KCNIP4: variants seen among roughly 807,000 people sequenced by gnomAD.
The protein encoded by KCNIP4 is potassium voltage-gated channel interacting protein 4.
A neutral mutation model predicts 34.0 loss-of-function variants in KCNIP4; 12 were observed. The observed-to-expected ratio is 0.35, with a 90% CI of 0.23 to 0.57. The LOEUF is 0.57. KCNIP4 is among the 20% of genes least tolerant of loss of function. The pLI, the probability that KCNIP4 is intolerant of heterozygous loss-of-function variation, is 0.83. For missense variants in KCNIP4, 238 were observed against 311.7 expected (o/e 0.76, Z 1.78); for synonymous variants, 124 against 102.2 (o/e 1.21, Z -1.29).
intron 1 of KCNIP4, among the ~76,000 whole-genome samples, chr4:21,867,326 T>TA (rs958215421): frequency 5.9e-5 from 9 of 152,076 alleles, no homozygotes; most frequent in Non-Finnish European, 8.8e-5. Context: ...TCACTTTTCA[T>TA]AAAAAAATTT....
At chr4:21,831,260 A>G (rs1254357942) in intron 1 of KCNIP4, among the ~76,000 whole-genome samples, 1 of 152,126 alleles carries the variant, frequency 6.6e-6, no homozygotes, top group Non-Finnish European at 1.5e-5. Context: ...GGGAAAAAAA[A>G]TCAAACTAAG....
chr4:21,409,461 T>A lies in KCNIP4; in HGVS notation c.62-526752A>T, dbSNP rs375604343. Among the ~76,000 whole-genome samples, 3 of 152,004 alleles carry A rather than the reference T, an allele frequency of 2.0e-5. No individual in the cohort carries two copies. In the East Asian group the frequency reaches 5.8e-4, roughly 29 times the overall value. On this transcript the variant is annotated intron_variant, in intron 1 of 8. Transcript: ENST00000382152. ...TTCTGAACTGTAAATTTTGTAAAAT[T>A]TCAATAAAGATCAAGCATCTGTGCT...
rs185820802 is a variant in KCNIP4, at chr4:21,020,927, T to C, written c.62-138218A>G. On this transcript the variant is annotated intron_variant, in intron 1 of 8. Transcript: ENST00000382152. Reference sequence around the variant, plus strand: ...AAGAATGAGAATCTCTACAGAAACTTGCTAAGACTTTTAAATGCAGTCATG... The same window carrying C: ...AAGAATGAGAATCTCTACAGAAACTCGCTAAGACTTTTAAATGCAGTCATG... 4.7e-3 allele frequency among the ~76,000 whole-genome samples: 712 copies of C among 152,256 alleles called. 10 individuals carry two copies. Among genetic ancestry groups the C allele is most frequent in the African/African-American group, 0.016 (681 of 41,564 alleles).
At chr4:20,731,040 CA>C (rs1748021221) in intron 8 of KCNIP4, among the ~76,000 whole-genome samples, 1 of 152,078 alleles carries the variant, frequency 6.6e-6, no homozygotes, top group African/African-American at 2.4e-5. Context: ...ACTAAAGAAA[CA>C]ACGGATTTCT....
At chr4:21,924,622 T>G (rs925111150) in intron 1 of KCNIP4, among the ~76,000 whole-genome samples, 1 of 152,162 alleles carries the variant, frequency 6.6e-6, no homozygotes, top group Non-Finnish European at 1.5e-5. Flanking sequence ...GCTTTTTCTC[T>G]TATCTGCAAG....
chr4:21,916,319 C>G (rs2108989506), intron 1 of KCNIP4, among the ~76,000 whole-genome samples: 2 of 152,256 alleles, frequency 1.3e-5, no homozygotes, highest in Middle Eastern at 3.4e-3. Context: ...TACAATCATG[C>G]CTTTTTTTCC....
rs549773264 is a variant in KCNIP4, at chr4:21,726,241, C to T, written c.61+222330G>A. Among the ~76,000 whole-genome samples the T allele has an allele frequency of 6.0e-5, 9 of 149,736 alleles. No individual in the cohort carries two copies. The East Asian group carries it at 1.8e-3, about 30-fold the overall frequency. On this transcript the variant is annotated intron_variant, in intron 1 of 8. Coordinates refer to ENST00000382152, the MANE Select transcript of KCNIP4 (RefSeq NM_025221.6). Reference sequence around the variant, plus strand: ...ATGGATAAATAACAAATCAGTACTACTGAAATGAGTTGCTTCTGGGGCAAG... The same window carrying T: ...ATGGATAAATAACAAATCAGTACTATTGAAATGAGTTGCTTCTGGGGCAAG...
In KCNIP4 at chr4:21,178,124, A is replaced by G. The variant is rs960044803; in HGVS notation, c.62-295415T>C. Among the ~76,000 whole-genome samples, 7 of 152,228 alleles carry G rather than the reference A, an allele frequency of 4.6e-5. No individual in the cohort carries two copies. In the South Asian group the frequency reaches 1.0e-3, roughly 23 times the overall value. The stretch of plus-strand genomic sequence containing the variant: ...CTTAGCATAAGGCACTATCATTTCT[A>G]TCTTCATTACAACACAGTTTAATTA... On this transcript the variant is annotated intron_variant, in intron 1 of 8. Coordinates refer to ENST00000382152, the MANE Select transcript of KCNIP4 (RefSeq NM_025221.6).
At chr4:21,113,482 G>GAAAAAAAAAAAAAAAAAAAAAAAA (rs1164913472) in intron 1 of KCNIP4, among the ~76,000 whole-genome samples, 43 of 109,454 alleles carry the variant, frequency 3.9e-4, no homozygotes, top group Non-Finnish European at 6.5e-4. Context: ...AAAAAAAAAG[G>GAAAAAAAAAAAAAAAAAAAAAAAA]AAAGCTATAC....
intron 1 of KCNIP4, among the ~76,000 whole-genome samples, chr4:21,349,854 C>T (rs1331694539): frequency 6.6e-6 from 1 of 152,250 alleles, no homozygotes; most frequent in African/African-American, 2.4e-5. Flanking sequence ...AGCACAAGGG[C>T]TAGCATTCTC....
chr4:20,830,344 T>C (rs911094129), intron 3 of KCNIP4, among the ~76,000 whole-genome samples: 3 of 152,174 alleles, frequency 2.0e-5, no homozygotes, highest in Non-Finnish European at 4.4e-5. Context: ...GCTTGCTACA[T>C]CAAAGAACTA....
intron 1 of KCNIP4, among the ~76,000 whole-genome samples, chr4:21,079,877 C>T (rs545774590): frequency 1.3e-5 from 2 of 151,658 alleles, no homozygotes; most frequent in Non-Finnish European, 2.9e-5. Context: ...ACCCACAAGC[C>T]AAGTGATGGG....
intron 1 of KCNIP4, among the ~76,000 whole-genome samples, chr4:20,968,226 G>C (rs1476342525): frequency 2.0e-5 from 3 of 152,120 alleles, no homozygotes; most frequent in Non-Finnish European, 4.4e-5. Context: ...ACCACAATGA[G>C]ATACCATCTC....
Position 21,858,504 on chromosome 4 carries a change from C to T in KCNIP4, c.61+90067G>A, listed in dbSNP as rs143072308. ...AAAACTCTAGTGGCCCAATTTCTGC[C>T]TCATTTCATTCCCTAACTCTCCATG... On this transcript the variant is annotated intron_variant, in intron 1 of 8. Coordinates refer to ENST00000382152, the MANE Select transcript of KCNIP4 (RefSeq NM_025221.6). 3.6e-4 allele frequency among the ~76,000 whole-genome samples: 55 copies of T among 152,278 alleles called. No homozygotes were observed. The East Asian group carries it at 9.9e-3, about 27-fold the overall frequency.
intron 1 of KCNIP4, among the ~76,000 whole-genome samples, chr4:21,255,287 A>AC (rs5856616): frequency 0.75 from 113,546 of 152,004 alleles, 43,529 homozygotes; most frequent in African/African-American, 0.91. Context: ...CTTAAATTGT[A>AC]CCCCACTTCC....
intron 1 of KCNIP4, among the ~76,000 whole-genome samples, chr4:21,169,660 TTGTGTGTGTG>T (rs58544791): frequency 2.3e-4 from 32 of 136,300 alleles, no homozygotes; most frequent in East Asian, 4.6e-4. Context: ...TACTTTATAT[TTGTGTGTGTG>T]TGTGTGTGTG....
At chr4:21,234,276 T>A (rs1250514030) in intron 1 of KCNIP4, among the ~76,000 whole-genome samples, 4 of 83,778 alleles carry the variant, frequency 4.8e-5, no homozygotes, top group Admixed American at 1.4e-4. Flanking sequence ...ATAACATATA[T>A]TATATATAAC....
chr4:20,772,659 TC>T (rs1368120674), intron 3 of KCNIP4, among the ~76,000 whole-genome samples: 1 of 152,000 alleles, frequency 6.6e-6, no homozygotes, highest in East Asian at 1.9e-4. Flanking sequence ...CTTTTTTTTT[TC>T]TTCCGAGTTT....
chr4:21,756,619 T>C (rs1717549373), intron 1 of KCNIP4, among the ~76,000 whole-genome samples: 2 of 151,800 alleles, frequency 1.3e-5, no homozygotes, highest in Non-Finnish European at 1.5e-5. Context: ...CTTTCTCAGA[T>C]GGAAGAAGTC....
Sources: allele counts gnomAD v4.1 joint callset (sites outside exome capture counted in the v4.1 genomes callset), GRCh38; gene constraint gnomAD v4.1.1; transcripts MANE v1.5; gene names NCBI Gene and HGNC (gene_info 2026-07-23, HGNC 2026-07-21).